The following SLC9A1 variants were observed in gnomAD, a reference collection of about 807,000 sequenced individuals.
The protein encoded by SLC9A1 is sodium/hydrogen exchanger 1.
Under a neutral mutation model 67.9 loss-of-function variants are expected in SLC9A1, and 22 were observed. The ratio of observed to expected loss-of-function variants is 0.32; its 90% confidence interval spans 0.23 to 0.46. SLC9A1 has a LOEUF of 0.46. Among genes scored for constraint, SLC9A1 ranks in the 20% least tolerant of loss-of-function variants. The probability of loss-of-function intolerance (pLI) is 1.00; values close to 1 mark genes in which losing one functional copy is unlikely to be tolerated. For missense variants in SLC9A1, 686 were observed against 1,094.8 expected (o/e 0.63, Z 5.27); for synonymous variants, 421 against 471.8 (o/e 0.89, Z 1.40).
intron 1 of SLC9A1, among the ~76,000 whole-genome samples, chr1:27,148,061 TGG>T (rs1015605305): frequency 6.6e-6 from 1 of 152,012 alleles, no homozygotes; most frequent in Non-Finnish European, 1.5e-5. Flanking sequence ...GTCACACAGC[TGG>T]GCAACAGAGA....
rs540568862 is a variant in SLC9A1 at position 27,113,999 on chromosome 1, C to T, written c.640G>A (p.Val214Met). 4.3e-5 allele frequency: 70 copies of T among 1,614,200 alleles called. No individual in the cohort carries two copies. Among genetic ancestry groups the T allele is most frequent in the Middle Eastern group, 3.3e-4 (2 of 6,062 alleles). The change falls in exon 2 of 12, where the codon GTG (valine) becomes ATG (methionine). Residue 214 changes from valine to methionine, a missense_variant. Transcript: ENST00000263980. ...LGGLMYAVCL[V>M]GGEQINNIGL... ...ATGTTGTTGATCTGCTCACCGCCCA[C>T]CAGGCACACGGCGTACATGAGGCCG... is the stretch of plus-strand genomic sequence containing the variant.
intron 1 of SLC9A1, among the ~76,000 whole-genome samples, chr1:27,131,947 A>AAAATAT: frequency 0.021 from 1,091 of 51,888 alleles, 15 homozygotes; most frequent in Non-Finnish European, 0.033. Flanking sequence ...AGAAAAAAAA[A>AAAATAT]ATATATATAT....
intron 1 of SLC9A1, among the ~76,000 whole-genome samples, chr1:27,115,357 A>C (rs2083257538): frequency 6.6e-6 from 1 of 152,076 alleles, no homozygotes; most frequent in Admixed American, 6.5e-5. Context: ...TCTCAATATC[A>C]GGTATGGCCA....
chr1:27,105,742 G>C (rs749290311), intron 5 of SLC9A1, 143 bp downstream of exon 5: 1 of 749,382 alleles, frequency 1.3e-6, no homozygotes. Flanking sequence ...GAAAGGGGGA[G>C]TGGCTCGCCC....
chr1:27,109,795 G>C lies in SLC9A1; in HGVS notation c.814-18C>G, dbSNP rs904467094. On this transcript the variant is annotated intron_variant, in intron 2 of 11. Coordinates refer to ENST00000263980, the MANE Select transcript of SLC9A1 (RefSeq NM_003047.5). This position sits in a 1 kb window ranked among gnomAD's most constrained non-coding sequence, Gnocchi z 5.5. Reference sequence around the variant, plus strand: ...TACAGGACCTGGGGAGGGTGTGCAGGCTGGTGGGTGGGAGGAGAGGGCCCT... The same window carrying C: ...TACAGGACCTGGGGAGGGTGTGCAGCCTGGTGGGTGGGAGGAGAGGGCCCT... The C allele has an allele frequency of 8.1e-6, 13 of 1,612,530 alleles. No homozygotes were observed. Among genetic ancestry groups the C allele is most frequent in the Non-Finnish European group, 1.1e-5 (13 of 1,179,438 alleles).
At chr1:27,147,391 T>C (rs1187799441) in intron 1 of SLC9A1, among the ~76,000 whole-genome samples, 35 of 135,478 alleles carry the variant, frequency 2.6e-4, no homozygotes, top group African/African-American at 8.7e-4. Context: ...ACTTGGGAGG[T>C]TGAAGTAGGA....
chr1:27,131,947 A>AAAAAAAAAAAATAT, intron 1 of SLC9A1, among the ~76,000 whole-genome samples: 1 of 52,126 alleles, frequency 1.9e-5, no homozygotes, highest in South Asian at 6.2e-4. Context: ...AGAAAAAAAA[A>AAAAAAAAAAAATAT]ATATATATAT....
At chr1:27,112,573 G>A (rs1255546062) in intron 2 of SLC9A1, among the ~76,000 whole-genome samples, 1 of 152,164 alleles carries the variant, frequency 6.6e-6, no homozygotes, top group Admixed American at 6.6e-5. Flanking sequence ...CTAATCCTCT[G>A]CCACTTTGCA....
Position 27,109,816 on chromosome 1 carries a change from GCCCTGGCC to G in SLC9A1, c.814-47_814-40del. ...GCAGGCTGGTGGGTGGGAGGAGAGG[GCCCTGGCC>G]CCACGGTTCCCTGGGGTCCACCCAG... On this transcript the variant is annotated intron_variant, in intron 2 of 11. Coordinates refer to ENST00000263980, the MANE Select transcript of SLC9A1 (RefSeq NM_003047.5). The surrounding 1 kb of genome is among the most constrained non-coding windows in gnomAD (Gnocchi z 5.5). 6.2e-7 allele frequency: 1 copy of G among 1,609,760 alleles called. No individual in the cohort carries two copies. The highest frequency in any genetic ancestry group is 8.5e-7 in the Non-Finnish European group (1 of 1,178,096).
At chr1:27,122,389 G>C (rs2083310037) in intron 1 of SLC9A1, among the ~76,000 whole-genome samples, 1 of 152,180 alleles carries the variant, frequency 6.6e-6, no homozygotes, top group African/African-American at 2.4e-5. Flanking sequence ...GACTAAAGGG[G>C]GAAGAGTGTG....
intron 1 of SLC9A1, among the ~76,000 whole-genome samples, chr1:27,141,570 A>C (rs1442857779): frequency 6.6e-6 from 1 of 152,224 alleles, no homozygotes; most frequent in African/African-American, 2.4e-5. Flanking sequence ...TTCCATCTGC[A>C]CTTCAAATCA....
At chr1:27,117,789 T>A (rs1422170208) in intron 1 of SLC9A1, among the ~76,000 whole-genome samples, 1 of 152,180 alleles carries the variant, frequency 6.6e-6, no homozygotes, top group African/African-American at 2.4e-5. Context: ...AGGGAGGACC[T>A]CTATTCTAGC....
At chr1:27,135,570 A>T (rs1295208025) in intron 1 of SLC9A1, among the ~76,000 whole-genome samples, 1 of 147,708 alleles carries the variant, frequency 6.8e-6, no homozygotes, top group African/African-American at 2.5e-5. Flanking sequence ...TGTTCTGAGC[A>T]CCTGCTCTCT....
Position 27,114,264 on chromosome 1 carries a change from G to C in SLC9A1, c.375C>G (p.Ile125Met). 1 of 1,610,892 alleles carries C rather than the reference G, an allele frequency of 6.2e-7. No individual in the cohort carries two copies. The highest frequency in any genetic ancestry group is 8.5e-7 in the Non-Finnish European group (1 of 1,177,214). Reference sequence around the variant, plus strand: ...GGCAGCTCTCCGGGACGATGCTTGAGATAGTGGGGATCACATGGAAACCTG... The same window carrying C: ...GGCAGCTCTCCGGGACGATGCTTGACATAGTGGGGATCACATGGAAACCTG... The part of the protein sequence containing the change: ...MKIGFHVIPT[I>M]SSIVPESCLL... The change falls in exon 2 of 12, where the codon ATC (isoleucine) becomes ATG (methionine). Residue 125 changes from isoleucine (I) to methionine (M), a missense_variant. This residue lies in a region of SLC9A1 where 143 missense variants were observed against 166.7 expected (regional missense o/e 0.86). Coordinates refer to ENST00000263980, the MANE Select transcript of SLC9A1 (RefSeq NM_003047.5). The surrounding 1 kb of genome is among the most constrained non-coding windows in gnomAD (Gnocchi z 5.4).
At chr1:27,130,125 G>C (rs1011776585) in intron 1 of SLC9A1, among the ~76,000 whole-genome samples, 1 of 152,302 alleles carries the variant, frequency 6.6e-6, no homozygotes, top group East Asian at 1.9e-4. Flanking sequence ...TTTTGAGACA[G>C]AGTCTCATTC....
Position 27,101,377 on chromosome 1 carries a change from G to C in SLC9A1, c.2038-102C>G. 1.1e-6 allele frequency: 1 copy of C among 888,480 alleles called. No individual in the cohort carries two copies. The highest frequency in any genetic ancestry group is 1.8e-6 in the Non-Finnish European group (1 of 557,572). 55.0% of individuals were successfully genotyped at this position (888,480 alleles called of 1,614,324 possible). A position where few individuals can be genotyped will look rare whatever the true frequency, so the allele number is the denominator to read the frequency against. ...ACACCCCACCTTTCGTATATGCAGG[G>C]CGCTTGCTCCCCCTCCCTTGTGCCT... On this transcript the variant is annotated intron_variant, in intron 10 of 11. Transcript: ENST00000263980. The surrounding 1 kb of genome is among the most constrained non-coding windows in gnomAD (Gnocchi z 4.9).
chr1:27,109,810 G>T lies in SLC9A1; in HGVS notation c.814-33C>A. 6.2e-7 allele frequency: 1 copy of T among 1,611,316 alleles called. No homozygotes were observed. The highest frequency in any genetic ancestry group is 1.1e-5 in the South Asian group (1 of 90,914). On this transcript the variant is annotated intron_variant, in intron 2 of 11. Coordinates refer to ENST00000263980, the MANE Select transcript of SLC9A1 (RefSeq NM_003047.5). This position sits in a 1 kb window ranked among gnomAD's most constrained non-coding sequence, Gnocchi z 5.5. ...GGGTGTGCAGGCTGGTGGGTGGGAGGAGAGGGCCCTGGCCCCACGGTTCCC... is the reference window on the plus strand; with the variant it reads ...GGGTGTGCAGGCTGGTGGGTGGGAGTAGAGGGCCCTGGCCCCACGGTTCCC...
At chr1:27,138,074 G>C (rs539623951) in intron 1 of SLC9A1, among the ~76,000 whole-genome samples, 1 of 152,134 alleles carries the variant, frequency 6.6e-6, no homozygotes, top group Non-Finnish European at 1.5e-5. Context: ...CAGGCTGTCC[G>C]CACATCCCTC....
At position 27,106,094 on chromosome 1, in the gene SLC9A1, GGGA is replaced by G; in HGVS notation, c.1283-10_1283-8del. 1 of 1,599,612 alleles carries G rather than the reference GGGA, an allele frequency of 6.3e-7. No homozygotes were observed. Among genetic ancestry groups the G allele is most frequent in the Non-Finnish European group, 8.6e-7 (1 of 1,168,630 alleles). ...CAGGTCAGGCCCAGCACCCCTGCAGGGGAAGGCAGGGGGTGATGAGGGTCAGGT... is the reference window on the plus strand; with the variant it reads ...CAGGTCAGGCCCAGCACCCCTGCAGGAGGCAGGGGGTGATGAGGGTCAGGT... On this transcript the variant is annotated splice_polypyrimidine_tract_variant and splice_region_variant and intron_variant, in intron 4 of 11. Coordinates refer to ENST00000263980, the MANE Select transcript of SLC9A1 (RefSeq NM_003047.5). This position sits in a 1 kb window ranked among gnomAD's most constrained non-coding sequence, Gnocchi z 4.3.
Sources: gnomAD v4.1 joint callset for allele counts (sites outside exome capture counted in the v4.1 genomes callset) on GRCh38, gnomAD v4.1.1 for gene constraint, gnomAD v4.1.1 regional missense constraint, Gnocchi (gnomAD v3.1) non-coding constraint, MANE v1.5 for transcripts, NCBI Gene and HGNC (gene_info 2026-07-23, HGNC 2026-07-21) for gene names.